MOSPD2: variants seen among roughly 807,000 people sequenced by gnomAD.
MOSPD2 encodes motile sperm domain-containing protein 2.
In MOSPD2, 5 loss-of-function variants were observed where a neutral mutation model predicts 41.7. The observed-to-expected ratio is 0.12, with a 90% CI of 0.06 to 0.25. MOSPD2 has a LOEUF of 0.25. Ranked by LOEUF, MOSPD2 falls within the 10% of genes least tolerant of loss-of-function variation. MOSPD2 has a pLI of 1.00. For synonymous variants in MOSPD2, 115 were observed against 126.9 expected (o/e 0.91, Z 0.63); for missense variants, 282 against 375.2 (o/e 0.75, Z 2.05).
chrX:14,902,971 A>G lies in MOSPD2; in HGVS notation c.544A>G (p.Ile182Val). 1 of 1,159,840 alleles carries G rather than the reference A, an allele frequency of 8.6e-7. No individual in the cohort carries two copies. The highest frequency in any genetic ancestry group is 1.2e-6 in the Non-Finnish European group (1 of 849,073). ...KVYYPKYLSKIVIFDMPWLMN... is the reference protein window; with the variant it reads ...KVYYPKYLSKVVIFDMPWLMN... ...AATTTTTTTTCATCTTTCAGCAAAAATAGTGATCTTTGATATGCCTTGGTT... is the reference window on the plus strand; with the variant it reads ...AATTTTTTTTCATCTTTCAGCAAAAGTAGTGATCTTTGATATGCCTTGGTT... Residue 182 changes from isoleucine to valine, a missense_variant, in exon 7 of 15, where the codon ATA (isoleucine) becomes GTA (valine). This residue lies in a region of MOSPD2 where 187 missense variants were observed against 256.6 expected (regional missense o/e 0.73). Transcript: ENST00000380492.
At chrX:14,876,990 C>G (rs935587031) in intron 2 of MOSPD2, among the ~76,000 whole-genome samples, 1 of 111,659 alleles carries the variant, frequency 9.0e-6, no homozygotes, top group Non-Finnish European at 1.9e-5. Context: ...AGAAGGTGAT[C>G]CAGGCAGATT....
intron 10 of MOSPD2, among the ~76,000 whole-genome samples, chrX:14,914,088 T>C (rs886665678): frequency 2.7e-5 from 3 of 112,264 alleles, no homozygotes; most frequent in Non-Finnish European, 5.6e-5. Flanking sequence ...TTATGCTCTT[T>C]TCTGTTGGTG....
intron 6 of MOSPD2, 29 bp downstream of exon 6, chrX:14,900,664 A>G: frequency 1.3e-6 from 1 of 798,350 alleles, no homozygotes; most frequent in Non-Finnish European, 1.8e-6. Flanking sequence ...TATAAAAAAT[A>G]TAACATATTG....
At chrX:14,892,651 C>T in intron 2 of MOSPD2, 72 bp from the exon 3 acceptor site, 1 of 829,567 alleles carries the variant, frequency 1.2e-6, no homozygotes, top group Non-Finnish European at 1.7e-6. Context: ...CTTTCTTCTC[C>T]TTTGCCATTA....
At position 14,874,986 on chromosome X, in the gene MOSPD2, A is replaced by C. The variant is rs768554590; in HGVS notation, c.79+1228A>C. ...AATACATGGTTTATAATATTTTAAG[A>C]AGTAACTCAGAATTCGACCTAATGA... On this transcript the variant is annotated intron_variant, in intron 2 of 14. Coordinates refer to ENST00000380492, the MANE Select transcript of MOSPD2 (RefSeq NM_152581.4). Among the ~76,000 whole-genome samples the C allele has an allele frequency of 5.3e-5, 6 of 112,273 alleles. No homozygotes were observed. The East Asian group carries it at 1.7e-3, about 31-fold the overall frequency.
At chrX:14,888,206 GCACACACACAC>G (rs2092545955) in intron 2 of MOSPD2, among the ~76,000 whole-genome samples, 1 of 56,753 alleles carries the variant, frequency 1.8e-5, no homozygotes, top group Non-Finnish European at 4.2e-5. Context: ...ACACACACAC[GCACACACACAC>G]ACACACACAC....
intron 2 of MOSPD2, among the ~76,000 whole-genome samples, chrX:14,875,142 G>C (rs985787720): frequency 8.9e-5 from 10 of 112,009 alleles, no homozygotes; most frequent in Non-Finnish European, 1.9e-4. Context: ...TGAAGAAAGT[G>C]AGGTCTAGAG....
intron 6 of MOSPD2, among the ~76,000 whole-genome samples, chrX:14,902,277 C>T (rs2092574537): frequency 9.0e-6 from 1 of 111,251 alleles, no homozygotes; most frequent in Non-Finnish European, 1.9e-5. Context: ...TTTGATTCCT[C>T]TGGAATAGAG....
chrX:14,920,243 A>T lies in MOSPD2; in HGVS notation c.*434A>T, dbSNP rs1044145986. 1 of 739,684 alleles carries T rather than the reference A, an allele frequency of 1.4e-6. No individual in the cohort carries two copies. Among genetic ancestry groups the T allele is most frequent in the Non-Finnish European group, 1.6e-6 (1 of 626,986 alleles). The allele number at this position is 739,684 out of a possible 1,213,427, so 61.0% of individuals were successfully genotyped here. A position where few individuals can be genotyped will look rare whatever the true frequency, so the allele number is the denominator to read the frequency against. On this transcript the variant is annotated 3_prime_UTR_variant, in exon 15 of 15. Coordinates refer to ENST00000380492, the MANE Select transcript of MOSPD2 (RefSeq NM_152581.4). ...GCTGAGCTGACTTACTAGCTTTTCT[A>T]TACTATGTATATAGAAGAACATGTA...
rs367834344 is a variant in MOSPD2 at position 14,917,587 on chromosome X, A to T, written c.1317-1093A>T. Among the ~76,000 whole-genome samples, 9 of 112,156 alleles carry T rather than the reference A, an allele frequency of 8.0e-5. No individual in the cohort carries two copies. The East Asian group carries it at 2.0e-3, about 25-fold the overall frequency. On this transcript the variant is annotated intron_variant, in intron 13 of 14. Transcript: ENST00000380492. ...TGATACCAAGTTCACACTAAAGTGG[A>T]ATTTGCTGTATGCCAGCACTGTTCT...
At chrX:14,903,136 A>C (rs967102227) in intron 7 of MOSPD2, 132 bp downstream of exon 7, 2 of 457,088 alleles carry the variant, frequency 4.4e-6, no homozygotes, top group Non-Finnish European at 7.5e-6. Context: ...GACTGGAGCT[A>C]GAACACTCAA....
At chrX:14,878,329 T>C (rs1164648587) in intron 2 of MOSPD2, among the ~76,000 whole-genome samples, 1 of 112,148 alleles carries the variant, frequency 8.9e-6, no homozygotes, top group Non-Finnish European at 1.9e-5. Context: ...TATTCATTCC[T>C]GCCGGCTTGT....
At chrX:14,900,680 G>T in intron 6 of MOSPD2, 45 bp downstream of exon 6, 1 of 676,881 alleles carries the variant, frequency 1.5e-6, no homozygotes, top group Non-Finnish European at 2.2e-6. Flanking sequence ...TATTGAAACT[G>T]TAGACAATGT....
chrX:14,882,446 A>G (rs1313828803), intron 2 of MOSPD2, among the ~76,000 whole-genome samples: 1 of 111,732 alleles, frequency 8.9e-6, no homozygotes, highest in Non-Finnish European at 1.9e-5. Flanking sequence ...CATGGAGACT[A>G]TAGTAAATAC....
At chrX:14,894,198 C>A (rs1247296485) in intron 3 of MOSPD2, among the ~76,000 whole-genome samples, 1 of 109,005 alleles carries the variant, frequency 9.2e-6, no homozygotes, top group East Asian at 2.9e-4. Flanking sequence ...GTGTTGTGAT[C>A]ATAGCTCACT....
intron 8 of MOSPD2, among the ~76,000 whole-genome samples, chrX:14,910,720 C>A (rs2092589990): frequency 9.0e-6 from 1 of 111,526 alleles, no homozygotes; most frequent in Admixed American, 9.6e-5. Context: ...AATTCTTGAA[C>A]CACCTCCTTG....
intron 5 of MOSPD2, 28 bp downstream of exon 5, chrX:14,897,266 C>A: frequency 1.8e-6 from 2 of 1,136,546 alleles, no homozygotes. Context: ...CATTCCAAAT[C>A]AGTGTTTATC....
At chrX:14,909,084 A>G (rs985329353) in intron 8 of MOSPD2, 100 bp downstream of exon 8, 39 of 698,372 alleles carry the variant, frequency 5.6e-5, no homozygotes, top group Middle Eastern at 5.8e-4. Flanking sequence ...CATAATATGC[A>G]AAGAAATATC....
chrX:14,883,811 G>A (rs2041043159), intron 2 of MOSPD2, among the ~76,000 whole-genome samples: 1 of 111,979 alleles, frequency 8.9e-6, no homozygotes. Flanking sequence ...GAAAAAAAGA[G>A]TGATATTAGA....
Sources: allele counts gnomAD v4.1 joint callset (sites outside exome capture counted in the v4.1 genomes callset), GRCh38; gene constraint gnomAD v4.1.1; regional missense constraint gnomAD v4.1.1; transcripts MANE v1.5; gene names NCBI Gene and HGNC (gene_info 2026-07-23, HGNC 2026-07-21).